The following ERCC5 variants were observed in gnomAD, a reference collection of about 807,000 sequenced individuals.
ERCC5 encodes ERCC excision repair 5, endonuclease, also known as DNA excision repair protein ERCC-5.
In ERCC5, 68 loss-of-function variants were observed where a neutral mutation model predicts 105.6. That is an observed-to-expected ratio of 0.64 (90% CI 0.53 to 0.79). The LOEUF (loss-of-function observed/expected upper bound fraction) is 0.79. Ranked by LOEUF, ERCC5 falls within the 30% of genes least tolerant of loss-of-function variation. ERCC5 has a pLI of 0.00. For synonymous variants in ERCC5, 546 were observed against 526.2 expected, an observed-to-expected ratio of 1.04 and a Z score of -0.51; for missense variants, 1,373 against 1,426.7, an observed-to-expected ratio of 0.96 and a Z score of 0.61.
rs772194211 is a variant in ERCC5, at chr13:102,862,297, TA to T, written c.1149del (p.Ser384HisfsTer18). On this transcript the variant is annotated frameshift_variant, in exon 8 of 15. Coordinates refer to ENST00000652225, the MANE Select transcript of ERCC5 (RefSeq NM_000123.4). LOFTEE classifies it high-confidence loss of function. Reference protein sequence around the residue: ...NAPAAVDEGSISPRTLSAIKR... With the variant: ...NAPAAVDEGSXSPRTLSAIKR... ...CCTGCTGCTGTAGACGAAGGCTCCA[TA>T]TCACCCCGGACTCTTTCAGCCATTA... 6.2e-7 allele frequency: 1 copy of T among 1,614,132 alleles called. No individual in the cohort carries two copies. The highest frequency in any genetic ancestry group is 2.2e-5 in the East Asian group (1 of 44,870).
intron 4 of ERCC5, among the ~76,000 whole-genome samples, 192 bp downstream of exon 4, chr13:102,854,566 A>T (rs192508651): frequency 1.3e-5 from 2 of 152,260 alleles, no homozygotes; most frequent in African/African-American, 4.8e-5. Context: ...TGTTTTGGTG[A>T]TTCATGATTC....
intron 1 of ERCC5, among the ~76,000 whole-genome samples, chr13:102,851,862 C>T (rs1882218543): frequency 6.6e-6 from 1 of 151,714 alleles, no homozygotes; most frequent in Admixed American, 6.6e-5. Flanking sequence ...CAATTCTTTG[C>T]AATGAGACTT....
Position 102,872,046 on chromosome 13 carries a change from G to T in ERCC5, c.2679-152G>T, listed in dbSNP as rs1883050584. ...ATGTTTGCCATCATTATACATTGTG[G>T]CTAATAGTACTAAAATTAATAAAAT... is the stretch of plus-strand genomic sequence containing the variant. On this transcript the variant is annotated intron_variant, in intron 12 of 14. Transcript: ENST00000652225. 7.6e-6 allele frequency: 7 copies of T among 921,056 alleles called. No individual in the cohort carries two copies. The South Asian group carries it at 9.9e-5, about 13-fold the overall frequency. The allele number at this position is 921,056 out of a possible 1,614,324, so 57.1% of individuals were successfully genotyped here.
At position 102,875,610 on chromosome 13, in the gene ERCC5, G is replaced by A. The variant is rs762312048; in HGVS notation, c.3268G>A (p.Glu1090Lys). 1.2e-5 allele frequency: 19 copies of A among 1,613,362 alleles called. No homozygotes were observed. The highest frequency in any genetic ancestry group is 1.6e-5 in the Non-Finnish European group (19 of 1,179,744). The change falls in exon 15 of 15, where the codon GAG becomes AAG. Residue 1090 changes from glutamate (E) to lysine (K), a missense_variant. Physicochemically the swap from Glu to Lys is moderately conservative, Grantham distance 56. Transcript: ENST00000652225. ...GAATACATGCGGTGGATTTTTGGGG[G>A]AGACCTGCCTCTCAGAATCATCTGA... Reference protein sequence around the residue: ...GKNTCGGFLGETCLSESSDGS... With the variant: ...GKNTCGGFLGKTCLSESSDGS...
chr13:102,848,084 A>G (rs111457081), intron 1 of ERCC5, among the ~76,000 whole-genome samples: 3 of 152,222 alleles, frequency 2.0e-5, no homozygotes, highest in African/African-American at 7.2e-5. Context: ...GCTTGGGCCC[A>G]GGCGGTCAAG....
intron 12 of ERCC5, among the ~76,000 whole-genome samples, chr13:102,871,864 G>T (rs1883045148): frequency 1.3e-5 from 2 of 152,116 alleles, no homozygotes; most frequent in Admixed American, 1.3e-4. Context: ...GAGGAAGACT[G>T]TACCAATTCC....
chr13:102,846,278 G>C lies in ERCC5; in HGVS notation c.12G>C (p.Gln4His), dbSNP rs753121419. 3.7e-6 allele frequency: 6 copies of C among 1,613,522 alleles called. No homozygotes were observed. Among genetic ancestry groups the C allele is most frequent in the Non-Finnish European group, 4.2e-6 (5 of 1,179,830 alleles). Reference sequence around the variant, plus strand: ...GACGCAGCCGCCTCATGGGGGTCCAGGGGCTCTGGAAGCTGCTGGAGTGCT... The same window carrying C: ...GACGCAGCCGCCTCATGGGGGTCCACGGGCTCTGGAAGCTGCTGGAGTGCT... The part of the protein sequence containing the change: MGV[Q>H]GLWKLLECSG... Residue 4 changes from glutamine (Q) to histidine (H), a missense_variant, in exon 1 of 15, where the codon CAG becomes CAC. By Grantham distance (24) the Gln-to-His change is conservative. Transcript: ENST00000652225.
intron 11 of ERCC5, 44 bp downstream of exon 11, chr13:102,866,889 T>C: frequency 6.4e-7 from 1 of 1,559,126 alleles, no homozygotes; most frequent in South Asian, 1.2e-5. Context: ...ACATTTACCT[T>C]CAGAGTTTGT....
In ERCC5 at chr13:102,862,269, G is replaced by C. The variant is rs759875052; in HGVS notation, c.1120G>C (p.Ala374Pro). ...ENRRQARGRN[A>P]PAAVDEGSIS... ...TCGAAGGCAGGCCCGTGGGAGGAACGCACCTGCTGCTGTAGACGAAGGCTC... is the reference window on the plus strand; with the variant it reads ...TCGAAGGCAGGCCCGTGGGAGGAACCCACCTGCTGCTGTAGACGAAGGCTC... Residue 374 changes from alanine (A) to proline (P), a missense_variant, in exon 8 of 15, where the codon GCA becomes CCA. Ala to Pro is a conservative substitution (Grantham distance 27). This residue lies in a region of ERCC5 where 1,004 missense variants were observed against 1,059.7 expected (regional missense o/e 0.95). Transcript: ENST00000652225. The C allele has an allele frequency of 6.2e-7, 1 of 1,614,004 alleles. No individual in the cohort carries two copies. Among genetic ancestry groups the C allele is most frequent in the African/African-American group, 1.3e-5 (1 of 74,900 alleles).
chr13:102,875,795 T>C lies in ERCC5; in HGVS notation c.3453T>C (p.Ser1151=). The part of the protein sequence containing the change: ...GGATTSSSSD[S]DDDGGKEKMV... Reference sequence around the variant, plus strand: ...CGACCACCAGCAGCTCTAGTGATAGTGATGACGATGGAGGGAAAGAGAAGA... The same window carrying C: ...CGACCACCAGCAGCTCTAGTGATAGCGATGACGATGGAGGGAAAGAGAAGA... The change falls in exon 15 of 15, where the codon AGT becomes AGC. Residue 1151 remains serine, a synonymous_variant. Transcript: ENST00000652225. 6.2e-7 allele frequency: 1 copy of C among 1,614,002 alleles called. No individual in the cohort carries two copies. The highest frequency in any genetic ancestry group is 1.3e-5 in the African/African-American group (1 of 75,002).
Position 102,852,237 on chromosome 13 carries a change from A to G in ERCC5, c.208A>G (p.Ile70Val). ...GCTCTGCAAACTCTTATTTTTTCGA[A>G]TTCGTCCTATTTTTGTGTTTGATGG... ...HRLCKLLFFR[I>V]RPIFVFDGDA... The change falls in exon 2 of 15, where the codon ATT (isoleucine) becomes GTT (valine). Residue 70 changes from isoleucine (I) to valine (V), a missense_variant. Around this residue, in one of 3 missense-constraint regions of ERCC5, gnomAD observed 1,004 missense variants for 1,059.7 expected, o/e 0.95. Transcript: ENST00000652225. 1 of 1,614,094 alleles carries G rather than the reference A, an allele frequency of 6.2e-7. No individual in the cohort carries two copies. The highest frequency in any genetic ancestry group is 8.5e-7 in the Non-Finnish European group (1 of 1,180,006).
In ERCC5 at chr13:102,866,801, A is replaced by G. The variant is rs1367457273; in HGVS notation, c.2489A>G (p.Lys830Arg). 3 of 1,613,762 alleles carry G rather than the reference A, an allele frequency of 1.9e-6. No individual in the cohort carries two copies. The highest frequency in any genetic ancestry group is 2.5e-6 in the Non-Finnish European group (3 of 1,179,824). The change falls in exon 11 of 15, where the codon AAG becomes AGG. Residue 830 changes from lysine (K) to arginine (R), a missense_variant. By Grantham distance (26) the Lys-to-Arg change is conservative. Around this residue, in one of 3 missense-constraint regions of ERCC5, gnomAD observed 1,004 missense variants for 1,059.7 expected, o/e 0.95. Coordinates refer to ENST00000652225, the MANE Select transcript of ERCC5 (RefSeq NM_000123.4). ...HVYRNFFNKN[K>R]FVEYYQYVDF... ...TATAGAAACTTTTTTAATAAAAACAAGTTTGTAGAATATTATCAATATGTG... is the reference window on the plus strand; with the variant it reads ...TATAGAAACTTTTTTAATAAAAACAGGTTTGTAGAATATTATCAATATGTG...
intron 6 of ERCC5, among the ~76,000 whole-genome samples, chr13:102,860,394 G>A (rs186597162): frequency 1.9e-4 from 29 of 152,290 alleles, no homozygotes; most frequent in African/African-American, 6.7e-4. Context: ...TGACCTCAGC[G>A]TGTGATAAGT....
rs55676159 is a variant in ERCC5, at chr13:102,861,473, A to G, written c.673-34A>G. 3.3e-4 allele frequency: 523 copies of G among 1,608,402 alleles called. 1 individual carries two copies. In the African/African-American group the frequency reaches 5.8e-3, roughly 18 times the overall value. ...GGTAATATTATCTGTATTTAATATA[A>G]AACAGTAATTTTGTTTGTTTATTTT... On this transcript the variant is annotated intron_variant, in intron 6 of 14. Transcript: ENST00000652225.
At chr13:102,866,925 C>A in intron 11 of ERCC5, 80 bp downstream of exon 11, 1 of 1,480,768 alleles carries the variant, frequency 6.8e-7, no homozygotes, top group Non-Finnish European at 9.1e-7. Flanking sequence ...TTCCAAGGAA[C>A]TAGTTTGATG....
At chr13:102,850,541 C>G (rs965618980) in intron 1 of ERCC5, among the ~76,000 whole-genome samples, 1 of 151,928 alleles carries the variant, frequency 6.6e-6, no homozygotes, top group Non-Finnish European at 1.5e-5. Context: ...ACCAAAGATA[C>G]GTTGGTGAAA....
rs765020686 is a variant in ERCC5 at position 102,875,729 on chromosome 13, G to A, written c.3387G>A (p.Ser1129=). The A allele has an allele frequency of 1.4e-5, 23 of 1,613,982 alleles. No individual in the cohort carries two copies. The highest frequency in any genetic ancestry group is 2.2e-5 in the South Asian group (2 of 91,080). Residue 1129 remains serine, a synonymous_variant, in exon 15 of 15, where the codon TCG becomes TCA. Transcript: ENST00000652225. ...AKEPKTSASD[S]QNSVKEAPVK... ...AGCCAAAAACCAGTGCTTCAGATTCGCAGAACTCAGTGAAGGAAGCTCCCG... is the reference window on the plus strand; with the variant it reads ...AGCCAAAAACCAGTGCTTCAGATTCACAGAACTCAGTGAAGGAAGCTCCCG...
In ERCC5 at chr13:102,866,968, TTA is replaced by T. The variant is rs750815523; in HGVS notation, c.2533+127_2533+128del. 1.1e-5 allele frequency: 11 copies of T among 1,003,030 alleles called. No homozygotes were observed. The East Asian group carries it at 1.6e-4, about 14-fold the overall frequency. The allele number at this position is 1,003,030 out of a possible 1,614,324, so 62.1% of individuals were successfully genotyped here. On this transcript the variant is annotated intron_variant, in intron 11 of 14. Coordinates refer to ENST00000652225, the MANE Select transcript of ERCC5 (RefSeq NM_000123.4). ...GGAAATTGCAGGTCTATGCAAATTT[TTA>T]TATGAGTGATCTTTGGCTTATATAG...
chr13:102,861,782 T>C, intron 7 of ERCC5, 68 bp downstream of exon 7: 20 of 1,568,672 alleles, frequency 1.3e-5, no homozygotes, highest in Non-Finnish European at 1.7e-5. Context: ...CTGAATTCTA[T>C]AAACTAGCAC....
Sources: gnomAD v4.1 joint callset for allele counts (sites outside exome capture counted in the v4.1 genomes callset) on GRCh38, gnomAD v4.1.1 for gene constraint, gnomAD v4.1.1 regional missense constraint, MANE v1.5 for transcripts, NCBI Gene and HGNC (gene_info 2026-07-23, HGNC 2026-07-21) for gene names.